The following B3GALT1 variants were observed in gnomAD, a reference collection of about 807,000 sequenced individuals.
B3GALT1 encodes the protein UDP-Gal:betaGlcNAc beta 1,3-galactosyltransferase, polypeptide 1.
A neutral mutation model predicts 23.2 loss-of-function variants in B3GALT1; 10 were observed. The observed-to-expected ratio is 0.43, with a 90% confidence interval of 0.27 to 0.73. The LOEUF (loss-of-function observed/expected upper bound fraction) is 0.73. Ranked by LOEUF, B3GALT1 falls within the 30% of genes least tolerant of loss-of-function variation. The pLI is 0.21. For missense variants in B3GALT1, 299 were observed against 405.4 expected, an observed-to-expected ratio of 0.74 and a Z score of 2.25; for synonymous variants, 156 against 141.5, an observed-to-expected ratio of 1.10 and a Z score of -0.73.
At chr2:167,373,002 T>C (rs1697708923) in intron 1 of B3GALT1, among the ~76,000 whole-genome samples, 1 of 152,032 alleles carries the variant, frequency 6.6e-6, no homozygotes, top group African/African-American at 2.4e-5. Flanking sequence ...TGACCTGACC[T>C]AGAATAACCA....
intron 2 of B3GALT1, among the ~76,000 whole-genome samples, chr2:167,644,779 TAAAA>T (rs199652424): frequency 1.1e-4 from 10 of 91,166 alleles, no homozygotes; most frequent in African/African-American, 3.6e-4. Flanking sequence ...GACTCTGTCT[TAAAA>T]AAAAAAAAAA....
At chr2:167,826,180 C>T (rs1429166923) in intron 4 of B3GALT1, among the ~76,000 whole-genome samples, 4 of 152,086 alleles carry the variant, frequency 2.6e-5, no homozygotes, top group East Asian at 1.9e-4. Flanking sequence ...CTAGGTCACA[C>T]GGCAGGGAAT....
chr2:167,592,067 G>C (rs527782320), intron 2 of B3GALT1, among the ~76,000 whole-genome samples: 1 of 152,260 alleles, frequency 6.6e-6, no homozygotes, highest in East Asian at 1.9e-4. Context: ...GCCTGAGCTA[G>C]AAATGTTACC....
At chr2:167,301,840 T>C (rs932247299) in intron 1 of B3GALT1, among the ~76,000 whole-genome samples, 5 of 152,154 alleles carry the variant, frequency 3.3e-5, no homozygotes, top group Non-Finnish European at 7.4e-5. Flanking sequence ...TGAGCCACTG[T>C]GCCCAGCCAA....
intron 3 of B3GALT1, among the ~76,000 whole-genome samples, chr2:167,735,461 A>G (rs971459379): frequency 1.3e-5 from 2 of 152,218 alleles, no homozygotes; most frequent in Non-Finnish European, 2.9e-5. Context: ...GAGAATTCCA[A>G]TCTATTTCTC....
chr2:167,604,318 G>T (rs1247692100), intron 2 of B3GALT1, among the ~76,000 whole-genome samples: 6 of 152,110 alleles, frequency 3.9e-5, no homozygotes, highest in Non-Finnish European at 7.4e-5. Flanking sequence ...ACAAGAATTT[G>T]CTCCACGGGA....
chr2:167,869,921 G>A lies in B3GALT1; in HGVS notation c.882G>A (p.Leu294=), dbSNP rs372957873. 6.2e-7 allele frequency: 1 copy of A among 1,614,194 alleles called. No homozygotes were observed. The highest frequency in any genetic ancestry group is 1.7e-5 in the Admixed American group (1 of 60,020). Residue 294 remains leucine (L), a synonymous_variant, in exon 5 of 5, where the codon TTG becomes TTA. Transcript: ENST00000392690. This position sits in a 1 kb window ranked among gnomAD's most constrained non-coding sequence, Gnocchi z 6.4. ...GFNHWKMAYS[L]CRYRRVITVH... ...ATCACTGGAAAATGGCCTACAGTTT[G>A]TGTAGGTATCGCCGAGTTATCACTG...
intron 2 of B3GALT1, among the ~76,000 whole-genome samples, chr2:167,594,814 G>C (rs1684747831): frequency 6.6e-6 from 1 of 152,084 alleles, no homozygotes. Flanking sequence ...GCTGAGGCAG[G>C]AGCATTGCTT....
chr2:167,570,348 T>C (rs1158507593), intron 2 of B3GALT1, among the ~76,000 whole-genome samples: 5 of 151,888 alleles, frequency 3.3e-5, no homozygotes, highest in African/African-American at 4.8e-5. Flanking sequence ...GTAATAGATA[T>C]AGGTCTATTT....
intron 3 of B3GALT1, among the ~76,000 whole-genome samples, chr2:167,740,871 A>G (rs374875280): frequency 6.6e-6 from 1 of 152,162 alleles, no homozygotes; most frequent in Non-Finnish European, 1.5e-5. Flanking sequence ...TTTGGCAGGC[A>G]CTGTGGTAAC....
Position 167,870,284 on chromosome 2 carries a change from T to C in B3GALT1, c.*264T>C, listed in dbSNP as rs995571344. 17 of 334,850 alleles carry C rather than the reference T, an allele frequency of 5.1e-5. No homozygotes were observed. The highest frequency in any genetic ancestry group is 3.6e-4 in the African/African-American group (17 of 47,798). The allele number at this position is 334,850 out of a possible 1,614,324, so 20.7% of individuals were successfully genotyped here. A position where few individuals can be genotyped will look rare whatever the true frequency, so the allele number is the denominator to read the frequency against. ...TCTCAAAAAGTGACTTCCAAACAAC[T>C]CTTAGGATTGACGTACCGTGCATCT... is the stretch of plus-strand genomic sequence containing the variant. On this transcript the variant is annotated 3_prime_UTR_variant, in exon 5 of 5. Coordinates refer to ENST00000392690, the MANE Select transcript of B3GALT1 (RefSeq NM_020981.4).
intron 2 of B3GALT1, among the ~76,000 whole-genome samples, chr2:167,643,118 A>G (rs543605055): frequency 1.3e-5 from 2 of 152,208 alleles, no homozygotes; most frequent in South Asian, 2.1e-4. Flanking sequence ...AATTCTTCAT[A>G]TAAGTAAGAT....
At chr2:167,409,559 G>A (rs765549430) in intron 1 of B3GALT1, among the ~76,000 whole-genome samples, 24 of 151,722 alleles carry the variant, frequency 1.6e-4, no homozygotes, top group Non-Finnish European at 3.1e-4. Context: ...TGATACTTGT[G>A]TATGCTTCAC....
chr2:167,507,504 CAAAAAAAAAAAA>C (rs60408245), intron 2 of B3GALT1, among the ~76,000 whole-genome samples: 1 of 26,636 alleles, frequency 3.8e-5, no homozygotes, highest in African/African-American at 8.4e-5. Context: ...GACTCCGTCT[CAAAAAAAAAAAA>C]AAAAAAAAAA....
At chr2:167,719,020 G>A (rs1257927699) in intron 3 of B3GALT1, among the ~76,000 whole-genome samples, 1 of 152,116 alleles carries the variant, frequency 6.6e-6, no homozygotes, top group Admixed American at 6.5e-5. Flanking sequence ...TAGGAAAGAT[G>A]TTTGATTCAT....
At chr2:167,644,295 T>TA (rs1237573942) in intron 2 of B3GALT1, among the ~76,000 whole-genome samples, 1 of 152,018 alleles carries the variant, frequency 6.6e-6, no homozygotes, top group African/African-American at 2.4e-5. Flanking sequence ...GGCAAGTTCT[T>TA]ACCAGTAGAA....
intron 2 of B3GALT1, among the ~76,000 whole-genome samples, chr2:167,635,206 A>G (rs529060861): frequency 1.4e-4 from 21 of 152,092 alleles, no homozygotes; most frequent in African/African-American, 5.1e-4. Context: ...TATCTCAAAA[A>G]ATAAGAGCTA....
intron 3 of B3GALT1, chr2:167,716,113 A>C: frequency 4.7e-6 from 7 of 1,497,064 alleles, no homozygotes; most frequent in Non-Finnish European, 5.5e-6. Context: ...TGGCCACAAC[A>C]AGCGGTGGAG....
intron 3 of B3GALT1, among the ~76,000 whole-genome samples, chr2:167,811,085 C>G (rs1688879108): frequency 6.6e-6 from 1 of 152,106 alleles, no homozygotes; most frequent in Non-Finnish European, 1.5e-5. Context: ...ATCAAAAAAC[C>G]TGGAAAAAAT....
Sources: allele counts gnomAD v4.1 joint callset (sites outside exome capture counted in the v4.1 genomes callset), GRCh38; gene constraint gnomAD v4.1.1; non-coding constraint Gnocchi (gnomAD v3.1); transcripts MANE v1.5; gene names NCBI Gene and HGNC (gene_info 2026-07-23, HGNC 2026-07-21).